The following CNTNAP2 variants were observed in gnomAD, a reference collection of about 807,000 sequenced individuals.
The protein encoded by CNTNAP2 is contactin-associated protein-like 2.
In CNTNAP2, 98 loss-of-function variants were observed where a neutral mutation model predicts 155.2. The ratio of observed to expected loss-of-function variants is 0.63; its 90% CI spans 0.54 to 0.75. The LOEUF is 0.75. Among genes scored for constraint, CNTNAP2 ranks in the 30% least tolerant of loss-of-function variants. CNTNAP2 has a pLI of 0.00. For synonymous variants in CNTNAP2, 651 were observed against 631.2 expected (o/e 1.03, Z -0.47); for missense variants, 1,727 against 1,688.1 (o/e 1.02, Z -0.40).
intron 4 of CNTNAP2, among the ~76,000 whole-genome samples, chr7:147,063,926 G>T (rs1799731488): frequency 6.6e-6 from 1 of 152,098 alleles, no homozygotes; most frequent in Non-Finnish European, 1.5e-5. Flanking sequence ...GACATTATAG[G>T]AGAGTAAGGA....
rs1388008589 is a variant in CNTNAP2 at position 146,668,840 on chromosome 7, G to A, written c.98-105431G>A. On this transcript the variant is annotated intron_variant, in intron 1 of 23. Coordinates refer to ENST00000361727, the MANE Select transcript of CNTNAP2 (RefSeq NM_014141.6). Reference sequence around the variant, plus strand: ...TGATCCTTTGTATTATGTGGTATTTGTTATGATGCCTCCTTTTTCATTTAT... The same window carrying A: ...TGATCCTTTGTATTATGTGGTATTTATTATGATGCCTCCTTTTTCATTTAT... 2.0e-5 allele frequency among the ~76,000 whole-genome samples: 3 copies of A among 152,010 alleles called. No individual in the cohort carries two copies. The East Asian group carries it at 5.8e-4, about 29-fold the overall frequency.
At chr7:146,952,402 C>T (rs1407287973) in intron 3 of CNTNAP2, among the ~76,000 whole-genome samples, 1 of 152,054 alleles carries the variant, frequency 6.6e-6, no homozygotes, top group African/African-American at 2.4e-5. Flanking sequence ...CACTCCTATT[C>T]AACAGAGTAT....
chr7:147,624,091 A>T (rs1323197292), intron 12 of CNTNAP2, among the ~76,000 whole-genome samples: 1 of 152,144 alleles, frequency 6.6e-6, no homozygotes, highest in Non-Finnish European at 1.5e-5. Context: ...TCTGTCTCTC[A>T]ACATATACAA....
intron 1 of CNTNAP2, among the ~76,000 whole-genome samples, chr7:146,671,098 TTC>T (rs1256783861): frequency 3.3e-5 from 5 of 152,122 alleles, no homozygotes; most frequent in African/African-American, 1.2e-4. Context: ...CTCCCAACCC[TTC>T]TCTCTAGAAA....
intron 8 of CNTNAP2, among the ~76,000 whole-genome samples, chr7:147,285,344 T>A (rs1407682152): frequency 6.6e-6 from 1 of 151,906 alleles, no homozygotes; most frequent in Non-Finnish European, 1.5e-5. Flanking sequence ...ATAAAAAGGC[T>A]CTATTTTAAT....
At chr7:147,305,077 C>T (rs1384253511) in intron 9 of CNTNAP2, among the ~76,000 whole-genome samples, 1 of 152,114 alleles carries the variant, frequency 6.6e-6, no homozygotes, top group African/African-American at 2.4e-5. Flanking sequence ...CCCCCAAAGG[C>T]CCCACTCCTA....
intron 14 of CNTNAP2, among the ~76,000 whole-genome samples, chr7:147,944,951 G>C (rs952369677): frequency 1.3e-5 from 2 of 152,212 alleles, no homozygotes; most frequent in East Asian, 1.9e-4. Flanking sequence ...GCTATTTGCT[G>C]CCTGCCAATT....
chr7:146,611,606 C>T (rs393191), intron 1 of CNTNAP2, among the ~76,000 whole-genome samples: 20,257 of 152,156 alleles, frequency 0.13, 2,345 homozygotes, highest in African/African-American at 0.31. Flanking sequence ...TCTTAAGAGA[C>T]TGTATCTACA....
intron 2 of CNTNAP2, among the ~76,000 whole-genome samples, chr7:146,804,693 C>T (rs894937113): frequency 6.6e-6 from 1 of 152,086 alleles, no homozygotes; most frequent in Non-Finnish European, 1.5e-5. Context: ...TTGAAGAGCC[C>T]TATAAACACC....
chr7:146,552,404 C>T (rs779105833), intron 1 of CNTNAP2, among the ~76,000 whole-genome samples: 25 of 152,218 alleles, frequency 1.6e-4, no homozygotes, highest in Non-Finnish European at 2.8e-4. Flanking sequence ...TTAGACCTAA[C>T]GCATTAACTT....
intron 13 of CNTNAP2, among the ~76,000 whole-genome samples, chr7:147,756,593 A>G (rs1797216390): frequency 6.6e-6 from 1 of 152,242 alleles, no homozygotes; most frequent in African/African-American, 2.4e-5. Flanking sequence ...ATTAATCATC[A>G]TTAAAAACAG....
At chr7:146,511,945 C>G (rs1797472673) in intron 1 of CNTNAP2, among the ~76,000 whole-genome samples, 1 of 151,992 alleles carries the variant, frequency 6.6e-6, no homozygotes, top group South Asian at 2.1e-4. Context: ...GCTTCAACTG[C>G]CTTATTCAAT....
chr7:147,906,217 G>A (rs912227263), intron 14 of CNTNAP2, among the ~76,000 whole-genome samples: 2 of 151,820 alleles, frequency 1.3e-5, no homozygotes, highest in Admixed American at 1.3e-4. Context: ...TTTGAGATGG[G>A]GTCTCACTCT....
intron 3 of CNTNAP2, among the ~76,000 whole-genome samples, chr7:146,977,234 A>G (rs1213438405): frequency 2.6e-5 from 4 of 152,238 alleles, no homozygotes; most frequent in East Asian, 1.9e-4. Context: ...TAATACTTCA[A>G]TCATTCTTCT....
intron 8 of CNTNAP2, among the ~76,000 whole-genome samples, chr7:147,220,907 G>C (rs934357489): frequency 2.0e-5 from 3 of 151,904 alleles, no homozygotes; most frequent in Admixed American, 1.3e-4. Context: ...TTGAGATGGG[G>C]TTTTGCCATG....
intron 20 of CNTNAP2, among the ~76,000 whole-genome samples, chr7:148,250,981 G>A (rs975985742): frequency 6.6e-6 from 1 of 152,144 alleles, no homozygotes; most frequent in Non-Finnish European, 1.5e-5. Context: ...CCAAAGTGCT[G>A]AGATGACAGG....
chr7:148,319,676 T>C (rs1797755631), intron 21 of CNTNAP2, among the ~76,000 whole-genome samples: 1 of 151,892 alleles, frequency 6.6e-6, no homozygotes, highest in South Asian at 2.1e-4. Flanking sequence ...CAAACCCGAT[T>C]GTGTACTGTG....
intron 15 of CNTNAP2, among the ~76,000 whole-genome samples, chr7:148,055,756 GCAGTTAAGAAGGAAAAGCA>G (rs1802995351): frequency 2.0e-5 from 3 of 151,922 alleles, no homozygotes; most frequent in African/African-American, 7.3e-5. Flanking sequence ...GAAAAGCATT[GCAGTTAAGAAGGAAAAGCA>G]TTGCAGTAGA....
chr7:148,215,308 C>A (rs1018567455), intron 18 of CNTNAP2, among the ~76,000 whole-genome samples: 3 of 152,058 alleles, frequency 2.0e-5, no homozygotes, highest in Non-Finnish European at 4.4e-5. Flanking sequence ...AATAATTATC[C>A]TTGGCTACAA....
Sources: allele counts gnomAD v4.1 joint callset (sites outside exome capture counted in the v4.1 genomes callset), GRCh38; gene constraint gnomAD v4.1.1; transcripts MANE v1.5; gene names NCBI Gene and HGNC (gene_info 2026-07-23, HGNC 2026-07-21).